Variants in FGF12 observed in about 807,000 individuals in gnomAD.
FGF12 encodes the protein fibroblast growth factor 12.
Under a neutral mutation model 23.6 loss-of-function variants are expected in FGF12, and 14 were observed. The observed-to-expected ratio is 0.59, with a 90% CI of 0.39 to 0.93. FGF12 has a LOEUF of 0.93. FGF12 is among the 40% of genes least tolerant of loss of function. The pLI, the probability that FGF12 is intolerant of heterozygous loss-of-function variation, is 0.00. For missense variants in FGF12, 175 were observed against 217.8 expected (o/e 0.80, Z 1.24); for synonymous variants, 62 against 77.3 (o/e 0.80, Z 1.04).
intron 2 of FGF12, among the ~76,000 whole-genome samples, chr3:192,644,274 T>C (rs1365735934): frequency 6.6e-6 from 1 of 152,112 alleles, no homozygotes; most frequent in Non-Finnish European, 1.5e-5. Flanking sequence ...ACCTTTGGAG[T>C]CCTGGATTCT....
At chr3:192,275,063 C>G (rs958723371) in intron 4 of FGF12, among the ~76,000 whole-genome samples, 3 of 152,100 alleles carry the variant, frequency 2.0e-5, no homozygotes, top group African/African-American at 7.2e-5. Context: ...TCTATTATTT[C>G]TTTTGTTCAG....
intron 2 of FGF12, among the ~76,000 whole-genome samples, chr3:192,509,684 A>C (rs529851759): frequency 4.7e-4 from 71 of 152,342 alleles, no homozygotes; most frequent in Non-Finnish European, 6.9e-4. Flanking sequence ...TAATGCACCA[A>C]CTAGCCTCAG....
rs372202126 is a variant in FGF12, at chr3:192,406,818, C to A, written c.14-46280G>T. ...CTGAGCCCGACTTGTCCAGACTTCC[C>A]AAGTGTCGCCCTTCATCCAATGGAC... On this transcript the variant is annotated intron_variant, in intron 2 of 5. Coordinates refer to ENST00000445105, the MANE Select transcript of FGF12 (RefSeq NM_004113.6). 4.6e-5 allele frequency among the ~76,000 whole-genome samples: 7 copies of A among 152,250 alleles called. No individual in the cohort carries two copies. In the South Asian group the frequency reaches 1.5e-3, roughly 32 times the overall value.
chr3:192,141,127 CCAAA>C lies in FGF12; in HGVS notation c.*2878_*2881del, dbSNP rs1305264439. 0.018 allele frequency: 396 copies of C among 21,818 alleles called. 6 individuals are homozygous for C. The highest frequency in any genetic ancestry group is 0.083 in the African/African-American group (380 of 4,580). The allele number at this position is 21,818 out of a possible 1,614,324, so 1.4% of individuals were successfully genotyped here. Reference sequence around the variant, plus strand: ...TCCTGGGAAAAATCCCAATGCAACTCCAAAAAAAAAAAAAAAAAAAAAAAAAAGC... The same window carrying C: ...TCCTGGGAAAAATCCCAATGCAACTCAAAAAAAAAAAAAAAAAAAAAAAGC... On this transcript the variant is annotated 3_prime_UTR_variant, in exon 6 of 6. Transcript: ENST00000445105.
At chr3:192,317,879 CAGAG>C (rs150180075) in intron 4 of FGF12, among the ~76,000 whole-genome samples, 2 of 150,196 alleles carry the variant, frequency 1.3e-5, no homozygotes, top group African/African-American at 2.4e-5. Context: ...CAGCTTAGCA[CAGAG>C]AGAGAGAGAG....
intron 2 of FGF12, among the ~76,000 whole-genome samples, chr3:192,619,799 A>G (rs1031210128): frequency 6.6e-6 from 1 of 152,164 alleles, no homozygotes; most frequent in Non-Finnish European, 1.5e-5. Flanking sequence ...TGTTAGACCT[A>G]TGTTTTCTTT....
chr3:192,391,046 G>C (rs1720272281), intron 2 of FGF12, among the ~76,000 whole-genome samples: 1 of 152,140 alleles, frequency 6.6e-6, no homozygotes, highest in African/African-American at 2.4e-5. Flanking sequence ...AAAATATAGA[G>C]GAGACAAGTG....
At chr3:192,470,244 G>GT (rs1259724983) in intron 2 of FGF12, among the ~76,000 whole-genome samples, 1 of 152,026 alleles carries the variant, frequency 6.6e-6, no homozygotes, top group African/African-American at 2.4e-5. Context: ...AGGGTAAGAG[G>GT]TTTTTTTAAA....
intron 4 of FGF12, among the ~76,000 whole-genome samples, chr3:192,251,189 A>G (rs920681355): frequency 2.5e-4 from 38 of 152,266 alleles, no homozygotes; most frequent in African/African-American, 9.1e-4. Context: ...AGGGCCTTCA[A>G]ACTCATATAA....
At chr3:192,214,811 A>G (rs1299818802) in intron 4 of FGF12, among the ~76,000 whole-genome samples, 1 of 152,230 alleles carries the variant, frequency 6.6e-6, no homozygotes, top group African/African-American at 2.4e-5. Flanking sequence ...TTGGAGAAGA[A>G]TGATTTTAGG....
chr3:192,580,602 GTTGTT>G (rs1277625938), intron 2 of FGF12, among the ~76,000 whole-genome samples: 2 of 152,036 alleles, frequency 1.3e-5, no homozygotes, highest in Non-Finnish European at 2.9e-5. Context: ...TTTTGTTGTT[GTTGTT>G]TTGTTTTGTT....
intron 2 of FGF12, among the ~76,000 whole-genome samples, chr3:192,695,114 A>G (rs1219942147): frequency 1.3e-5 from 2 of 152,184 alleles, no homozygotes; most frequent in Non-Finnish European, 2.9e-5. Context: ...GTGTATCAAA[A>G]CATCATGTAA....
At chr3:192,175,936 T>C (rs1389760678) in intron 4 of FGF12, among the ~76,000 whole-genome samples, 1 of 151,864 alleles carries the variant, frequency 6.6e-6, no homozygotes, top group Non-Finnish European at 1.5e-5. Context: ...ACACAGTTTC[T>C]GGCTTCTTAG....
intron 5 of FGF12, among the ~76,000 whole-genome samples, chr3:192,160,042 T>C (rs1188937029): frequency 6.6e-6 from 1 of 151,958 alleles, no homozygotes; most frequent in Non-Finnish European, 1.5e-5. Context: ...CTAAAAGTCA[T>C]CCCTGATTTC....
chr3:192,707,092 T>C (rs1718495779), intron 2 of FGF12, among the ~76,000 whole-genome samples: 1 of 152,030 alleles, frequency 6.6e-6, no homozygotes, highest in African/African-American at 2.4e-5. Flanking sequence ...CGCTTTTGAG[T>C]TGAGGAAACT....
intron 4 of FGF12, among the ~76,000 whole-genome samples, chr3:192,215,886 C>T (rs1350862972): frequency 6.6e-6 from 1 of 152,156 alleles, no homozygotes; most frequent in Non-Finnish European, 1.5e-5. Flanking sequence ...TCTTTCCTCA[C>T]AGGAATTAAT....
intron 5 of FGF12, among the ~76,000 whole-genome samples, chr3:192,154,632 CA>C (rs1342225622): frequency 6.7e-6 from 1 of 149,984 alleles, no homozygotes; most frequent in African/African-American, 2.5e-5. Flanking sequence ...GCTCGGGGGT[CA>C]GGGGTCAGGG....
chr3:192,213,781 T>C (rs1718053365), intron 4 of FGF12, among the ~76,000 whole-genome samples: 1 of 152,210 alleles, frequency 6.6e-6, no homozygotes, highest in African/African-American at 2.4e-5. Context: ...GGCCTGTGAT[T>C]CAGCCAAATT....
chr3:192,714,423 A>T (rs1216681492), intron 2 of FGF12, among the ~76,000 whole-genome samples: 1 of 152,132 alleles, frequency 6.6e-6, no homozygotes, highest in Non-Finnish European at 1.5e-5. Flanking sequence ...AAATTCATAT[A>T]GCACAGTTGC....
Sources: gnomAD v4.1 joint callset for allele counts (sites outside exome capture counted in the v4.1 genomes callset) on GRCh38, gnomAD v4.1.1 for gene constraint, MANE v1.5 for transcripts, NCBI Gene and HGNC (gene_info 2026-07-23, HGNC 2026-07-21) for gene names.